Variants in MYRIP observed in about 807,000 individuals in gnomAD.
MYRIP encodes the protein rab effector MyRIP.
In MYRIP, 49 loss-of-function variants were observed where a neutral mutation model predicts 98.0. The observed-to-expected ratio is 0.50, with a 90% CI of 0.40 to 0.63. The LOEUF is 0.63. Ranked by LOEUF, MYRIP falls within the 30% of genes least tolerant of loss-of-function variation. MYRIP has a pLI of 0.00. For synonymous variants in MYRIP, 404 were observed against 409.5 expected (o/e 0.99, Z 0.16); for missense variants, 1,004 against 1,058.2 (o/e 0.95, Z 0.71).
At chr3:39,928,745 T>C (rs1453056853) in intron 2 of MYRIP, among the ~76,000 whole-genome samples, 2 of 151,990 alleles carry the variant, frequency 1.3e-5, no homozygotes. Context: ...GGTGGAGGAC[T>C]GAATGCTTCC....
chr3:40,092,094 T>C (rs930525911), intron 3 of MYRIP, among the ~76,000 whole-genome samples: 1 of 152,184 alleles, frequency 6.6e-6, no homozygotes, highest in Non-Finnish European at 1.5e-5. Context: ...TTACCTTCTT[T>C]TTCCCCAACC....
intron 1 of MYRIP, among the ~76,000 whole-genome samples, chr3:39,817,094 G>A (rs1406666993): frequency 6.6e-6 from 1 of 152,222 alleles, no homozygotes; most frequent in Non-Finnish European, 1.5e-5. Flanking sequence ...GGACATGATA[G>A]TGCAAATTCA....
At chr3:40,042,649 A>G (rs1424979493) in intron 2 of MYRIP, among the ~76,000 whole-genome samples, 1 of 152,180 alleles carries the variant, frequency 6.6e-6, no homozygotes, top group Middle Eastern at 3.2e-3. Context: ...AAAGTAAAAA[A>G]AGTAATAAAG....
chr3:40,077,418 A>G (rs1377794984), intron 3 of MYRIP, among the ~76,000 whole-genome samples: 1 of 152,122 alleles, frequency 6.6e-6, no homozygotes, highest in Non-Finnish European at 1.5e-5. Flanking sequence ...TGAGCTAGAC[A>G]CAAAGGTTCT....
chr3:40,222,112 T>C (rs1559462717), intron 11 of MYRIP, among the ~76,000 whole-genome samples: 1 of 152,162 alleles, frequency 6.6e-6, no homozygotes, highest in Non-Finnish European at 1.5e-5. Context: ...GAAGCGGCAG[T>C]GTATAGCAGC....
chr3:39,892,116 T>G (rs1336944492), intron 1 of MYRIP, among the ~76,000 whole-genome samples: 1 of 152,132 alleles, frequency 6.6e-6, no homozygotes, highest in Admixed American at 6.6e-5. Context: ...AAAATTTATA[T>G]CTTTAATCTG....
intron 2 of MYRIP, among the ~76,000 whole-genome samples, chr3:39,915,192 G>A (rs544556628): frequency 4.5e-4 from 69 of 152,108 alleles, no homozygotes; most frequent in Admixed American, 1.6e-3. Context: ...AATCTGGCTC[G>A]TCCTCCAACA....
intron 2 of MYRIP, among the ~76,000 whole-genome samples, chr3:39,970,517 C>T (rs1028351629): frequency 6.6e-5 from 10 of 152,046 alleles, no homozygotes; most frequent in Non-Finnish European, 1.2e-4. Context: ...CATCTCCTTT[C>T]GATGCTCTTA....
chr3:40,201,879 C>G (rs1034298335), intron 10 of MYRIP, among the ~76,000 whole-genome samples: 1 of 152,168 alleles, frequency 6.6e-6, no homozygotes, highest in Non-Finnish European at 1.5e-5. Flanking sequence ...AAAGGGAAAA[C>G]TTCTACCTTT....
chr3:40,246,720 G>A (rs1254003124), intron 13 of MYRIP, among the ~76,000 whole-genome samples: 1 of 151,998 alleles, frequency 6.6e-6, no homozygotes, highest in Non-Finnish European at 1.5e-5. Context: ...GTGAATTGGG[G>A]GTCCCGAGAT....
intron 3 of MYRIP, among the ~76,000 whole-genome samples, chr3:40,149,977 A>G (rs901732384): frequency 6.6e-6 from 1 of 152,168 alleles, no homozygotes; most frequent in African/African-American, 2.4e-5. Context: ...AGTGTGTATT[A>G]TTACATTTAT....
At chr3:40,075,301 C>T (rs181018544) in intron 3 of MYRIP, among the ~76,000 whole-genome samples, 123 of 152,244 alleles carry the variant, frequency 8.1e-4, no homozygotes, top group Admixed American at 1.4e-3. Context: ...TACAGTAGTA[C>T]TTATTAAAGC....
At chr3:39,826,385 ATT>A (rs1301998556) in intron 1 of MYRIP, among the ~76,000 whole-genome samples, 1 of 152,100 alleles carries the variant, frequency 6.6e-6, no homozygotes, top group Non-Finnish European at 1.5e-5. Flanking sequence ...GTTTAAAATA[ATT>A]TTTAAATTTC....
intron 11 of MYRIP, among the ~76,000 whole-genome samples, chr3:40,222,301 T>G (rs1952359176): frequency 1.3e-5 from 2 of 152,158 alleles, no homozygotes. Flanking sequence ...CTTGTCAGAT[T>G]GTTGCTATGA....
intron 11 of MYRIP, among the ~76,000 whole-genome samples, chr3:40,212,550 C>T (rs2125671081): frequency 6.6e-6 from 1 of 152,198 alleles, no homozygotes; most frequent in East Asian, 1.9e-4. Flanking sequence ...AGGCAGATCG[C>T]TTGAGCCTAG....
chr3:39,992,236 G>A (rs896404386), intron 2 of MYRIP, among the ~76,000 whole-genome samples: 1 of 152,052 alleles, frequency 6.6e-6, no homozygotes, highest in East Asian at 1.9e-4. Flanking sequence ...TCTCCATAAA[G>A]CCAAGTTTCT....
chr3:39,848,694 T>C (rs1393574009), intron 1 of MYRIP, among the ~76,000 whole-genome samples: 1 of 152,240 alleles, frequency 6.6e-6, no homozygotes, highest in Non-Finnish European at 1.5e-5. Flanking sequence ...GAAATCCATG[T>C]CAGACATGTA....
chr3:40,169,994 A>T lies in MYRIP; in HGVS notation c.774A>T (p.Glu258Asp). Residue 258 changes from glutamate to aspartate, a missense_variant, in exon 8 of 17, where the codon GAA (glutamate) becomes GAT (aspartate). Physicochemically the swap from Glu to Asp is conservative, Grantham distance 45. Transcript: ENST00000302541. ...QKSKSEQQVE[E>D]EPGWPHPQSC... ...GCAAAAGTGAGCAGCAAGTGGAAGA[A>T]GAGCCAGGATGGCCACATCCCCAGA... The T allele has an allele frequency of 6.2e-7, 1 of 1,614,240 alleles. No homozygotes were observed.
intron 3 of MYRIP, among the ~76,000 whole-genome samples, chr3:40,147,535 T>C (rs1001707050): frequency 6.6e-6 from 1 of 152,212 alleles, no homozygotes; most frequent in South Asian, 2.1e-4. Context: ...ACCAAAGTCA[T>C]GACTTGAAAT....
Sources: allele counts gnomAD v4.1 joint callset (sites outside exome capture counted in the v4.1 genomes callset), GRCh38; gene constraint gnomAD v4.1.1; transcripts MANE v1.5; gene names NCBI Gene and HGNC (gene_info 2026-07-23, HGNC 2026-07-21).